The following DST variants were observed in gnomAD, a reference collection of about 807,000 sequenced individuals.
The protein encoded by DST is bullous pemphigoid antigen.
A neutral mutation model predicts 875.2 loss-of-function variants in DST; 253 were observed. The ratio of observed to expected loss-of-function variants is 0.29; its 90% CI spans 0.26 to 0.32. The LOEUF (loss-of-function observed/expected upper bound fraction) is 0.32, where lower values mean the gene tolerates loss of function less well. Among genes scored for constraint, DST ranks in the 10% least tolerant of loss-of-function variants. The probability of loss-of-function intolerance (pLI) is 1.00; values close to 1 mark genes in which losing one functional copy is unlikely to be tolerated. For missense variants in DST, 8,287 were observed against 9,111.6 expected (o/e 0.91, Z 3.68); for synonymous variants, 3,124 against 3,197.1 (o/e 0.98, Z 0.77).
chr6:56,753,420 C>T (rs2099593783), intron 4 of DST, among the ~76,000 whole-genome samples: 1 of 152,294 alleles, frequency 6.6e-6, no homozygotes, highest in African/African-American at 2.4e-5. Flanking sequence ...GCTACTAACT[C>T]TATTGGCTAA....
At chr6:56,459,531 C>A (rs914103348) in intron 103 of DST, among the ~76,000 whole-genome samples, 1 of 152,174 alleles carries the variant, frequency 6.6e-6, no homozygotes, top group Non-Finnish European at 1.5e-5. Flanking sequence ...CCATTTATTG[C>A]AAACAGACAT....
chr6:56,544,696 T>C (rs1045192123), intron 61 of DST, among the ~76,000 whole-genome samples: 2 of 152,340 alleles, frequency 1.3e-5, no homozygotes, highest in Admixed American at 6.5e-5. Context: ...CCCTAGTTAA[T>C]TGAGTTCAAG....
intron 86 of DST, among the ~76,000 whole-genome samples, chr6:56,488,658 AT>A (rs1316645018): frequency 2.0e-5 from 3 of 152,146 alleles, no homozygotes; most frequent in Non-Finnish European, 4.4e-5. Context: ...CAAATTTTAT[AT>A]CACCCCAATT....
intron 47 of DST, among the ~76,000 whole-genome samples, chr6:56,595,784 C>A (rs2098367644): frequency 7.4e-6 from 1 of 135,322 alleles, no homozygotes; most frequent in African/African-American, 3.8e-5. Flanking sequence ...ATGCTACCCC[C>A]ACCCCACCCC....
intron 47 of DST, among the ~76,000 whole-genome samples, chr6:56,595,273 T>C (rs927412807): frequency 6.6e-6 from 1 of 152,030 alleles, no homozygotes; most frequent in Non-Finnish European, 1.5e-5. Context: ...TGTTGTCTAG[T>C]TACAGCTCTT....
intron 99 of DST, among the ~76,000 whole-genome samples, chr6:56,464,988 A>T (rs1023749714): frequency 2.0e-5 from 3 of 152,174 alleles, no homozygotes; most frequent in African/African-American, 7.2e-5. Context: ...ACCCAACAGA[A>T]CACTATGTAT....
At chr6:56,523,838 G>A (rs1562543904) in intron 69 of DST, among the ~76,000 whole-genome samples, 1 of 152,100 alleles carries the variant, frequency 6.6e-6, no homozygotes, top group Non-Finnish European at 1.5e-5. Context: ...TAGGCTGGGG[G>A]CAGGGGTCTG....
chr6:56,756,912 CAA>C (rs2099605513), intron 4 of DST, among the ~76,000 whole-genome samples: 1 of 152,126 alleles, frequency 6.6e-6, no homozygotes, highest in African/African-American at 2.4e-5. Flanking sequence ...CAGAGAACAA[CAA>C]AGAGTCATGG....
chr6:56,944,152 G>A (rs541163150), intron 2 of DST, among the ~76,000 whole-genome samples: 1 of 152,226 alleles, frequency 6.6e-6, no homozygotes, highest in East Asian at 1.9e-4. Flanking sequence ...AATATGAAAA[G>A]TATCTGTCTC....
chr6:56,807,041 T>C (rs1561935916), intron 4 of DST, among the ~76,000 whole-genome samples: 1 of 147,834 alleles, frequency 6.8e-6, no homozygotes, highest in Non-Finnish European at 1.5e-5. Flanking sequence ...TTGATACTTG[T>C]GAATTTCTCC....
rs992841008 is a variant in DST, at chr6:56,703,664, T to G, written c.860A>C (p.Glu287Ala). The G allele has an allele frequency of 4.1e-6, 4 of 985,046 alleles. No homozygotes were observed. The highest frequency in any genetic ancestry group is 4.8e-6 in the Non-Finnish European group (4 of 829,652). The allele number at this position is 985,046 out of a possible 1,614,324, so 61.0% of individuals were successfully genotyped here. Residue 287 changes from glutamate (E) to alanine (A), a missense_variant, in exon 7 of 104, where the codon GAG becomes GCG. By Grantham distance (107) the Glu-to-Ala change is moderately radical (BLOSUM62 -1). This residue lies in a region of DST where 1,160 missense variants were observed against 1,424.3 expected (regional missense o/e 0.81). Coordinates refer to ENST00000680361, the MANE Select transcript of DST (RefSeq NM_001374736.1). ...GACACCTACCCCCTTATCCTCATCC[T>G]CCACATCCTCATGCTGTTCATATTC... is the stretch of plus-strand genomic sequence containing the variant. ...ACEYEQHEDV[E>A]DEDKGPREKG...
chr6:56,893,562 C>CTTTTTTTTTTTTTTTTTATTTTTTATTTT (rs1788741282), intron 3 of DST, among the ~76,000 whole-genome samples: 1 of 35,910 alleles, frequency 2.8e-5, no homozygotes, highest in African/African-American at 1.3e-4. Flanking sequence ...ACTTTTAGTT[C>CTTTTTTTTTTTTTTTTTATTTTTTATTTT]TTTTTTTTTT....
At chr6:56,676,567 T>C (rs1453727481) in intron 9 of DST, among the ~76,000 whole-genome samples, 1 of 152,082 alleles carries the variant, frequency 6.6e-6, no homozygotes, top group African/African-American at 2.4e-5. Context: ...GTCAAAGATA[T>C]ACACTCCCAT....
intron 61 of DST, among the ~76,000 whole-genome samples, chr6:56,548,933 G>C (rs1388674324): frequency 6.6e-6 from 1 of 152,218 alleles, no homozygotes; most frequent in Non-Finnish European, 1.5e-5. Context: ...TTTTCACTGA[G>C]TGAGTTAGGA....
chr6:56,499,115 C>T (rs932940085), intron 80 of DST, among the ~76,000 whole-genome samples: 1 of 152,064 alleles, frequency 6.6e-6, no homozygotes, highest in East Asian at 1.9e-4. Context: ...GCAGAAGAAA[C>T]CTCCCTCTAA....
intron 93 of DST, 107 bp from the exon 94 acceptor site, chr6:56,472,329 G>A (rs2094936452): frequency 3.1e-6 from 3 of 959,448 alleles, no homozygotes; most frequent in Non-Finnish European, 4.6e-6. Flanking sequence ...TTAATTACGT[G>A]TTTACGCAAG....
At chr6:56,575,420 ATGG>A (rs1201086538) in intron 50 of DST, among the ~76,000 whole-genome samples, 1 of 152,190 alleles carries the variant, frequency 6.6e-6, no homozygotes, top group African/African-American at 2.4e-5. Flanking sequence ...CATGCTCTGA[ATGG>A]CAGCTTGAAG....
chr6:56,515,379 T>TA, intron 72 of DST, 71 bp downstream of exon 72: 1 of 1,548,008 alleles, frequency 6.5e-7, no homozygotes, highest in Non-Finnish European at 8.8e-7. Flanking sequence ...TTAACTGTAC[T>TA]AAAAACCACC....
intron 30 of DST, among the ~76,000 whole-genome samples, chr6:56,630,847 A>T (rs570469874): frequency 6.7e-6 from 1 of 150,108 alleles, no homozygotes; most frequent in South Asian, 2.1e-4. Context: ...CAGTGGCGCG[A>T]TATCGGCTCA....
Sources: gnomAD v4.1 joint callset for allele counts (sites outside exome capture counted in the v4.1 genomes callset) on GRCh38, gnomAD v4.1.1 for gene constraint, gnomAD v4.1.1 regional missense constraint, MANE v1.5 for transcripts, NCBI Gene and HGNC (gene_info 2026-07-23, HGNC 2026-07-21) for gene names.